RNASEL: variants seen among roughly 807,000 people sequenced by gnomAD.
RNASEL encodes ribonuclease L, also known as 2-5A-dependent ribonuclease.
RNASEL carries 36 observed loss-of-function variants against 50.9 expected under a neutral mutation model. The observed-to-expected ratio is 0.71, with a 90% CI of 0.54 to 0.93. The LOEUF is 0.93. Ranked by LOEUF, RNASEL falls within the 40% of genes least tolerant of loss-of-function variation. The probability of loss-of-function intolerance (pLI) is 0.00; values close to 1 mark genes in which losing one functional copy is unlikely to be tolerated. For synonymous variants in RNASEL, 335 were observed against 335.6 expected, an observed-to-expected ratio of 1.00 and a Z score of 0.02; for missense variants, 860 against 894.5, an observed-to-expected ratio of 0.96 and a Z score of 0.49.
rs1661356906 is a variant in RNASEL at position 182,575,236 on chromosome 1, T to C, written c.*156A>G. ...GTCTGGGTATATATTGCTTTTGTTA[T>C]AGACATATGGAATACACGATGCCAG... On this transcript the variant is annotated 3_prime_UTR_variant, in exon 7 of 7. Coordinates refer to ENST00000367559, the MANE Select transcript of RNASEL (RefSeq NM_021133.4). The C allele has an allele frequency of 5.5e-6, 4 of 731,652 alleles. No individual in the cohort carries two copies. Among genetic ancestry groups the C allele is most frequent in the South Asian group, 4.8e-5 (3 of 63,100 alleles). The allele number at this position is 731,652 out of a possible 1,614,324, so 45.3% of individuals were successfully genotyped here. A position where few individuals can be genotyped will look rare whatever the true frequency, so the allele number is the denominator to read the frequency against.
At position 182,582,080 on chromosome 1, in the gene RNASEL, C is replaced by A; in HGVS notation, c.1745G>T (p.Gly582Val). Residue 582 changes from glycine to valine, a missense_variant, in exon 4 of 7, where the codon GGT becomes GTT. Physicochemically the swap from Gly to Val is moderately radical, Grantham distance 109 (BLOSUM62 -3). Coordinates refer to ENST00000367559, the MANE Select transcript of RNASEL (RefSeq NM_021133.4). ...HVRDCLSDLL[G>V]HPFFWTWESR... The stretch of plus-strand genomic sequence containing the variant: ...CTCCCAAGTCCAAAAGAAGGGATGA[C>A]CCAGCAGGTCACTCAGACAGTCCCT... 6.2e-7 allele frequency: 1 copy of A among 1,614,182 alleles called. No individual in the cohort carries two copies. Among genetic ancestry groups the A allele is most frequent in the Non-Finnish European group, 8.5e-7 (1 of 1,180,018 alleles).
Position 182,586,924 on chromosome 1 carries a change from C to G in RNASEL, c.-118G>C. On this transcript the variant is annotated 5_prime_UTR_variant, in exon 2 of 7. Transcript: ENST00000367559. ...AAATTGGGATTCTCTGGCAACAGAG[C>G]AGCAGTATGAAGAAGGAACAATGTT... is the stretch of plus-strand genomic sequence containing the variant. 15 of 1,321,904 alleles carry G rather than the reference C, an allele frequency of 1.1e-5. No homozygotes were observed. The highest frequency in any genetic ancestry group is 1.6e-5 in the Non-Finnish European group (15 of 926,982). The allele number at this position is 1,321,904 out of a possible 1,614,324, so 81.9% of individuals were successfully genotyped here. A position where few individuals can be genotyped will look rare whatever the true frequency, so the allele number is the denominator to read the frequency against.
intron 3 of RNASEL, among the ~76,000 whole-genome samples, chr1:182,583,654 AG>A (rs1661540584): frequency 6.6e-6 from 1 of 152,160 alleles, no homozygotes; most frequent in Non-Finnish European, 1.5e-5. Flanking sequence ...AAAATAAAGC[AG>A]GCAGAAAATG....
At chr1:182,580,766 G>A (rs1187742058) in intron 5 of RNASEL, among the ~76,000 whole-genome samples, 1 of 152,226 alleles carries the variant, frequency 6.6e-6, no homozygotes, top group Non-Finnish European at 1.5e-5. Context: ...TATTTCCTCA[G>A]GCAGAATGTA....
In RNASEL at chr1:182,586,769, G is replaced by C. The variant is rs753745002; in HGVS notation, c.38C>G (p.Pro13Arg). 1 of 1,614,220 alleles carries C rather than the reference G, an allele frequency of 6.2e-7. No individual in the cohort carries two copies. The highest frequency in any genetic ancestry group is 8.5e-7 in the Non-Finnish European group (1 of 1,180,044). Residue 13 changes from proline (P) to arginine (R), a missense_variant, in exon 2 of 7, where the codon CCC (proline) becomes CGC (arginine). Transcript: ENST00000367559. The stretch of plus-strand genomic sequence containing the variant: ...AGCCCTTCTACCGCTGGAGGACGTG[G>C]GTCCCTCCTGGGGGTTGTTATGATC... ...SRDHNNPQEG[P>R]TSSSGRRAAV...
rs1402551984 is a variant in RNASEL, at chr1:182,586,410, C to T, written c.397G>A (p.Ala133Thr). The change falls in exon 2 of 7, where the codon GCT becomes ACT. Residue 133 changes from alanine (A) to threonine (T), a missense_variant. Ala to Thr is a moderately conservative substitution (Grantham distance 58, BLOSUM62 0). Transcript: ENST00000367559. ...AGGGCTTTGACCTTACCATACACAG[C>T]GGCTTCCATGAAGGCTGTGAAGCCA... is the stretch of plus-strand genomic sequence containing the variant. ...FYGFTAFMEA[A>T]VYGKVKALKF... 3 of 1,614,154 alleles carry T rather than the reference C, an allele frequency of 1.9e-6. No individual in the cohort carries two copies. Among genetic ancestry groups the T allele is most frequent in the East Asian group, 2.2e-5 (1 of 44,868 alleles).
chr1:182,581,958 C>G (rs1661504634), intron 4 of RNASEL, 95 bp downstream of exon 4: 1 of 1,071,512 alleles, frequency 9.3e-7, no homozygotes, highest in Admixed American at 1.7e-5. Flanking sequence ...AAGAAAAAAG[C>G]CTGGGTCTCC....
At chr1:182,578,554 A>G (rs1661432622) in intron 5 of RNASEL, 1 of 152,222 alleles carries the variant, frequency 6.6e-6, no homozygotes, top group South Asian at 2.1e-4. Flanking sequence ...CACAGGCTGA[A>G]GCAATTCTCA....
chr1:182,575,417 C>T lies in RNASEL; in HGVS notation c.2201G>A (p.Ser734Asn). ...TCAGCACCCAGGGCTGGCCAACCCA[C>T]TGGCCCCACCAGCTCCATCACACTG... is the stretch of plus-strand genomic sequence containing the variant. Reference protein sequence around the residue: ...KPQCDGAGGASGLASPGC With the variant: ...KPQCDGAGGANGLASPGC The change falls in exon 7 of 7, where the codon AGT becomes AAT. Residue 734 changes from serine to asparagine, a missense_variant. Ser to Asn is a conservative substitution (Grantham distance 46). Transcript: ENST00000367559. 1.9e-6 allele frequency: 3 copies of T among 1,614,192 alleles called. No homozygotes were observed. The highest frequency in any genetic ancestry group is 2.5e-6 in the Non-Finnish European group (3 of 1,180,036).
intron 5 of RNASEL, among the ~76,000 whole-genome samples, chr1:182,577,353 G>A (rs946244415): frequency 2.0e-5 from 3 of 151,954 alleles, no homozygotes; most frequent in East Asian, 1.9e-4. Flanking sequence ...TAGGAAAGTC[G>A]TTCATTATAC....
At chr1:182,585,295 T>G in intron 2 of RNASEL, 32 bp downstream of exon 2, 1 of 1,607,622 alleles carries the variant, frequency 6.2e-7, no homozygotes, top group Non-Finnish European at 8.5e-7. Flanking sequence ...ATCCCACAAT[T>G]TCTAAGAGAG....
In RNASEL at chr1:182,575,441, T is replaced by C. The variant is rs779078797; in HGVS notation, c.2177A>G (p.Gln726Arg). Reference sequence around the variant, plus strand: ...ACTGGCCCCACCAGCTCCATCACACTGAGGCTTGTTTGGACTGTGGGTTTG... The same window carrying C: ...ACTGGCCCCACCAGCTCCATCACACCGAGGCTTGTTTGGACTGTGGGTTTG... ...FPQTHSPNKP[Q>R]CDGAGGASGL... The change falls in exon 7 of 7, where the codon CAG becomes CGG. Residue 726 changes from glutamine to arginine, a missense_variant. Coordinates refer to ENST00000367559, the MANE Select transcript of RNASEL (RefSeq NM_021133.4). 1.9e-6 allele frequency: 3 copies of C among 1,614,082 alleles called. No individual in the cohort carries two copies. The highest frequency in any genetic ancestry group is 4.5e-5 in the East Asian group (2 of 44,900).
chr1:182,581,377 C>G lies in RNASEL; in HGVS notation c.1773-20G>C. 1 of 1,600,208 alleles carries G rather than the reference C, an allele frequency of 6.2e-7. No homozygotes were observed. Among genetic ancestry groups the G allele is most frequent in the Non-Finnish European group, 8.5e-7 (1 of 1,171,440 alleles). ...TAGCGGCTGAAGATGACTAAATGAT[C>G]TAAATGATCATGATCATCCCATCCC... On this transcript the variant is annotated intron_variant, in intron 4 of 6. Transcript: ENST00000367559.
At chr1:182,581,431 C>T (rs1463554429) in intron 4 of RNASEL, 74 bp from the exon 5 acceptor site, 14 of 1,553,652 alleles carry the variant, frequency 9.0e-6, no homozygotes, top group Admixed American at 3.4e-5. Flanking sequence ...AAAAGAAAAC[C>T]GTTAGATTTT....
At position 182,586,480 on chromosome 1, in the gene RNASEL, T is replaced by C. The variant is rs1415056191; in HGVS notation, c.327A>G (p.Lys109=). The change falls in exon 2 of 7, where the codon AAA becomes AAG. Residue 109 remains lysine, a synonymous_variant. Transcript: ENST00000367559. ...AAIAGSVKLL[K]LFLSKGADVN... ...CATCTGCTCCTTTAGAAAGGAAAAG[T>C]TTCAGCAGCTTCACGCTCCCCGCAA... 27 of 1,613,100 alleles carry C rather than the reference T, an allele frequency of 1.7e-5. No homozygotes were observed. The highest frequency in any genetic ancestry group is 2.2e-5 in the Non-Finnish European group (26 of 1,179,202).
At chr1:182,576,969 CG>C (rs1438029166) in intron 5 of RNASEL, 1 of 149,656 alleles carries the variant, frequency 6.7e-6, no homozygotes, top group Non-Finnish European at 1.5e-5. Context: ...CTCCGCCTCC[CG>C]GGTTCAAGCG....
intron 6 of RNASEL, among the ~76,000 whole-genome samples, chr1:182,575,841 A>C (rs559764057): frequency 6.6e-6 from 1 of 152,376 alleles, no homozygotes; most frequent in South Asian, 2.1e-4. Context: ...CAATTCCAAA[A>C]TCCAGAAGAG....
At chr1:182,576,084 C>G (rs1661372222) in intron 6 of RNASEL, among the ~76,000 whole-genome samples, 172 bp downstream of exon 6, 1 of 152,200 alleles carries the variant, frequency 6.6e-6, no homozygotes, top group South Asian at 2.1e-4. Flanking sequence ...GGACATGTCC[C>G]TCATTAATTG....
intron 5 of RNASEL, 70 bp from the exon 6 acceptor site, chr1:182,576,459 CA>C (rs1661384378): frequency 2.6e-6 from 3 of 1,159,604 alleles, no homozygotes; most frequent in Non-Finnish European, 3.7e-6. Context: ...ATATTCATAC[CA>C]AAAGGCAAAA....
Sources: gnomAD v4.1 joint callset for allele counts (sites outside exome capture counted in the v4.1 genomes callset) on GRCh38, gnomAD v4.1.1 for gene constraint, MANE v1.5 for transcripts, NCBI Gene and HGNC (gene_info 2026-07-23, HGNC 2026-07-21) for gene names.